The following NOL4 variants were observed in gnomAD, a reference collection of about 807,000 sequenced individuals.
NOL4 encodes cancer/testis antigen 125.
NOL4 carries 17 observed loss-of-function variants against 75.9 expected under a neutral mutation model. That is an observed-to-expected ratio of 0.22 (90% CI 0.15 to 0.34). The LOEUF is 0.34. Ranked by LOEUF, NOL4 falls within the 10% of genes least tolerant of loss-of-function variation. The pLI, the probability that NOL4 is intolerant of heterozygous loss-of-function variation, is 1.00. For missense variants in NOL4, 614 were observed against 793.5 expected (o/e 0.77, Z 2.72); for synonymous variants, 292 against 289.9 (o/e 1.01, Z -0.07).
At chr18:34,149,103 T>C (rs1346289818) in intron 1 of NOL4, among the ~76,000 whole-genome samples, 3 of 151,704 alleles carry the variant, frequency 2.0e-5, no homozygotes, top group Non-Finnish European at 4.4e-5. Context: ...GCATTTTCCC[T>C]TAATTATTAG....
At chr18:34,045,573 C>T (rs1482782583) in intron 5 of NOL4, among the ~76,000 whole-genome samples, 3 of 152,084 alleles carry the variant, frequency 2.0e-5, no homozygotes, top group African/African-American at 7.2e-5. Context: ...CTGGCTATCC[C>T]CACACACCAT....
intron 9 of NOL4, among the ~76,000 whole-genome samples, chr18:33,892,238 G>A (rs2065135353): frequency 6.6e-6 from 1 of 151,880 alleles, no homozygotes; most frequent in South Asian, 2.1e-4. Context: ...AAACCACCCT[G>A]GGCAACAAAG....
chr18:34,112,871 A>T lies in NOL4; in HGVS notation c.415-7711T>A, dbSNP rs953046550. 2.0e-5 allele frequency among the ~76,000 whole-genome samples: 3 copies of T among 152,236 alleles called. No homozygotes were observed. The East Asian group carries it at 5.8e-4, about 29-fold the overall frequency. On this transcript the variant is annotated intron_variant, in intron 2 of 10. Transcript: ENST00000261592. ...CTCAAGTGTTACCACATGTACCCACAAATGGTTACTATATGAGGTGATGGA... is the reference window on the plus strand; with the variant it reads ...CTCAAGTGTTACCACATGTACCCACTAATGGTTACTATATGAGGTGATGGA...
chr18:34,036,045 T>A lies in NOL4; in HGVS notation c.773-16444A>T, dbSNP rs575547235. ...ATTCACTAATGAATTCCACCAAAGA[T>A]ATAAAGAAGAAATAATAATAATCCT... On this transcript the variant is annotated intron_variant, in intron 5 of 10. Transcript: ENST00000261592. 2.1e-4 allele frequency among the ~76,000 whole-genome samples: 32 copies of A among 151,930 alleles called. No homozygotes were observed. The South Asian group carries it at 6.7e-3, about 32-fold the overall frequency.
At chr18:34,139,393 G>A (rs2081043405) in intron 1 of NOL4, among the ~76,000 whole-genome samples, 2 of 152,104 alleles carry the variant, frequency 1.3e-5, no homozygotes, top group South Asian at 4.2e-4. Context: ...ACTTCTTCCT[G>A]GTTTAGTCTT....
intron 1 of NOL4, among the ~76,000 whole-genome samples, chr18:34,153,509 G>A (rs1391389313): frequency 6.6e-6 from 1 of 151,862 alleles, no homozygotes; most frequent in Non-Finnish European, 1.5e-5. Context: ...CATTTCACAG[G>A]TAACGAAGCT....
At chr18:33,875,355 T>A (rs554483905) in intron 10 of NOL4, among the ~76,000 whole-genome samples, 6 of 152,152 alleles carry the variant, frequency 3.9e-5, no homozygotes, top group Non-Finnish European at 5.9e-5. Flanking sequence ...GTAACTGCTG[T>A]CATTTTGATA....
chr18:34,203,713 T>TCACACACACA (rs1408909635), intron 1 of NOL4, among the ~76,000 whole-genome samples: 1 of 62,628 alleles, frequency 1.6e-5, no homozygotes, highest in African/African-American at 4.4e-5. Context: ...TCTCTCTCTC[T>TCACACACACA]CTCTCACACA....
intron 1 of NOL4, among the ~76,000 whole-genome samples, chr18:34,167,767 G>A (rs2032566444): frequency 6.6e-6 from 1 of 152,010 alleles, no homozygotes; most frequent in South Asian, 2.1e-4. Flanking sequence ...CCTATACCAG[G>A]AACCATAACA....
intron 6 of NOL4, among the ~76,000 whole-genome samples, chr18:34,005,931 C>T (rs1261393396): frequency 6.6e-6 from 1 of 152,056 alleles, no homozygotes. Flanking sequence ...AAATTTCTCT[C>T]ATGAAAGTGA....
At chr18:34,217,765 T>C (rs1426970983) in intron 1 of NOL4, among the ~76,000 whole-genome samples, 4 of 152,136 alleles carry the variant, frequency 2.6e-5, no homozygotes, top group East Asian at 1.9e-4. Flanking sequence ...TGTGTGTATA[T>C]GTATGTGTAT....
chr18:34,142,229 G>A (rs1028879630), intron 1 of NOL4, among the ~76,000 whole-genome samples: 1 of 152,182 alleles, frequency 6.6e-6, no homozygotes, highest in African/African-American at 2.4e-5. Context: ...CTAAGCTGTT[G>A]GCGGGACTGT....
chr18:34,164,470 C>T (rs1016667596), intron 1 of NOL4, among the ~76,000 whole-genome samples: 1 of 152,146 alleles, frequency 6.6e-6, no homozygotes, highest in Non-Finnish European at 1.5e-5. Context: ...GACATTTATG[C>T]AGCCAAAAAA....
At chr18:33,887,415 T>C (rs1393590889) in intron 9 of NOL4, among the ~76,000 whole-genome samples, 1 of 150,538 alleles carries the variant, frequency 6.6e-6, no homozygotes, top group Non-Finnish European at 1.5e-5. Flanking sequence ...CCAAAGAAGG[T>C]GAGTTTTTTT....
chr18:34,082,008 A>C (rs1032154189), intron 5 of NOL4, among the ~76,000 whole-genome samples: 2 of 152,200 alleles, frequency 1.3e-5, no homozygotes. Context: ...AAGAGGATAC[A>C]TGCATGATAA....
intron 6 of NOL4, among the ~76,000 whole-genome samples, chr18:33,997,418 T>G (rs1347011278): frequency 6.6e-6 from 1 of 151,728 alleles, no homozygotes; most frequent in East Asian, 1.9e-4. Flanking sequence ...CTATTGTTTT[T>G]GATTGTTTTA....
At chr18:34,060,116 T>C (rs2077010271) in intron 5 of NOL4, among the ~76,000 whole-genome samples, 1 of 152,148 alleles carries the variant, frequency 6.6e-6, no homozygotes, top group African/African-American at 2.4e-5. Flanking sequence ...GGCTATGCTT[T>C]TGGATGGTTA....
intron 10 of NOL4, among the ~76,000 whole-genome samples, 176 bp downstream of exon 10, chr18:33,883,068 A>AG (rs377533184): frequency 0.017 from 2,526 of 151,820 alleles, 65 homozygotes; most frequent in African/African-American, 0.057. Flanking sequence ...GGGTGGAGGG[A>AG]GGGGGGAGCG....
At chr18:34,050,598 G>C (rs1249393870) in intron 5 of NOL4, among the ~76,000 whole-genome samples, 2 of 152,044 alleles carry the variant, frequency 1.3e-5, no homozygotes, top group African/African-American at 2.4e-5. Context: ...TTAAAAGTGA[G>C]TTATAAACAA....
Sources: allele counts gnomAD v4.1 joint callset (sites outside exome capture counted in the v4.1 genomes callset), GRCh38; gene constraint gnomAD v4.1.1; transcripts MANE v1.5; gene names NCBI Gene and HGNC (gene_info 2026-07-23, HGNC 2026-07-21).